The following NECTIN3 variants were observed in gnomAD, a reference collection of about 807,000 sequenced individuals.
The protein encoded by NECTIN3 is nectin-3.
NECTIN3 carries 8 observed loss-of-function variants against 49.4 expected under a neutral mutation model. The observed-to-expected ratio is 0.16, with a 90% confidence interval of 0.10 to 0.29. The LOEUF (loss-of-function observed/expected upper bound fraction) is 0.29, where lower values mean the gene tolerates loss of function less well. Among genes scored for constraint, NECTIN3 ranks in the 10% least tolerant of loss-of-function variants. The probability of loss-of-function intolerance (pLI) is 1.00; values close to 1 mark genes in which losing one functional copy is unlikely to be tolerated. For missense variants in NECTIN3, 581 were observed against 654.6 expected, an observed-to-expected ratio of 0.89 and a Z score of 1.23; for synonymous variants, 277 against 241.1, an observed-to-expected ratio of 1.15 and a Z score of -1.38.
At chr3:111,089,804 T>G (rs1477618802) in intron 1 of NECTIN3, among the ~76,000 whole-genome samples, 1 of 152,144 alleles carries the variant, frequency 6.6e-6, no homozygotes, top group African/African-American at 2.4e-5. Context: ...TCAAATTTTC[T>G]TAACCCTTTC....
intron 1 of NECTIN3, among the ~76,000 whole-genome samples, chr3:111,088,410 A>C (rs574066424): frequency 3.9e-5 from 6 of 152,146 alleles, no homozygotes; most frequent in Non-Finnish European, 7.4e-5. Context: ...TAAATTACCC[A>C]GTCTCAGGTA....
chr3:111,167,088 C>A (rs2035333185), intron 7 of NECTIN3, among the ~76,000 whole-genome samples: 1 of 151,864 alleles, frequency 6.6e-6, no homozygotes, highest in Admixed American at 6.6e-5. Context: ...GTGATTCACC[C>A]ATTTGAGCTA....
At chr3:111,123,034 T>A (rs1034725060) in intron 4 of NECTIN3, among the ~76,000 whole-genome samples, 5 of 151,970 alleles carry the variant, frequency 3.3e-5, no homozygotes, top group African/African-American at 7.2e-5. Context: ...GATTTTTTTT[T>A]AAATTTTCCA....
intron 1 of NECTIN3, among the ~76,000 whole-genome samples, chr3:111,105,110 C>CT (rs1379682071): frequency 6.6e-6 from 1 of 150,968 alleles, no homozygotes; most frequent in East Asian, 2.0e-4. Flanking sequence ...ATCTTTTTTT[C>CT]TTTTTTGTTT....
chr3:111,173,338 G>T (rs1032777851), intron 7 of NECTIN3, among the ~76,000 whole-genome samples: 1 of 152,032 alleles, frequency 6.6e-6, no homozygotes, highest in Non-Finnish European at 1.5e-5. Context: ...ACCTCTTCTG[G>T]ATCTTTTACC....
At chr3:111,072,803 G>C (rs913983913) in intron 1 of NECTIN3, 2 of 470,034 alleles carry the variant, frequency 4.3e-6, no homozygotes, top group Non-Finnish European at 3.8e-6. Flanking sequence ...CTCTCACACT[G>C]CCCGTGCTTA....
intron 1 of NECTIN3, among the ~76,000 whole-genome samples, chr3:111,110,379 G>C (rs2033404584): frequency 6.6e-6 from 1 of 151,882 alleles, no homozygotes; most frequent in South Asian, 2.1e-4. Context: ...ATAGTAAATG[G>C]TAAGTTTTAT....
chr3:111,176,172 T>A (rs1297651355), intron 7 of NECTIN3, among the ~76,000 whole-genome samples: 1 of 152,212 alleles, frequency 6.6e-6, no homozygotes, highest in Non-Finnish European at 1.5e-5. Flanking sequence ...TCACTGTTCT[T>A]GCCTCATGGA....
rs151165800 is a variant in NECTIN3 at position 111,169,233 on chromosome 3, G to A, written c.1221+21749G>A. On this transcript the variant is annotated intron_variant, in intron 7 of 8. Transcript: ENST00000493615. ...GCCTCCCGAGTAGCTGGGACTACAG[G>A]CGCCTGCCACCACGCCTGGCTAATT... 3.8e-3 allele frequency among the ~76,000 whole-genome samples: 579 copies of A among 151,644 alleles called. 4 individuals are homozygous for A. Among genetic ancestry groups the A allele is most frequent in the African/African-American group, 0.013 (553 of 41,390 alleles).
In NECTIN3 at chr3:111,118,726, C is replaced by T. The variant is rs1369501161; in HGVS notation, c.573C>T (p.Ala191=). Residue 191 remains alanine (A), a synonymous_variant, in exon 3 of 6, where the codon GCC becomes GCT. Transcript: ENST00000485303. ...ATGGAGGAAATGAAACAGTAGCAGC[C>T]ATTTGCATCGCAGCCACTGGAAAAC... ...LIDGGNETVA[A]ICIAATGKPV... The T allele has an allele frequency of 1.2e-6, 2 of 1,613,890 alleles. No homozygotes were observed. Among genetic ancestry groups the T allele is most frequent in the African/African-American group, 1.3e-5 (1 of 74,906 alleles).
intron 2 of NECTIN3, among the ~76,000 whole-genome samples, chr3:111,118,248 C>CTATATATATATA (rs34878535): frequency 0.037 from 2,868 of 77,680 alleles, 114 homozygotes; most frequent in Non-Finnish European, 0.046. Flanking sequence ...TAAAATGAAG[C>CTATATATATATA]TATATATATA....
At chr3:111,101,499 T>C (rs16857659) in intron 1 of NECTIN3, among the ~76,000 whole-genome samples, 3,613 of 152,264 alleles carry the variant, frequency 0.024, 151 homozygotes, top group African/African-American at 0.082. Flanking sequence ...CGTAAACTTT[T>C]AAAAATTATT....
rs576484107 is a variant in NECTIN3, at chr3:111,137,093, C to T, written c.*2878C>T. 1.0e-6 allele frequency: 1 copy of T among 982,948 alleles called. No individual in the cohort carries two copies. The highest frequency in any genetic ancestry group is 1.1e-4 in the East Asian group (1 of 8,792). 60.9% of individuals were successfully genotyped at this position (982,948 alleles called of 1,614,324 possible). On this transcript the variant is annotated 3_prime_UTR_variant, in exon 6 of 6. Transcript: ENST00000485303. Reference sequence around the variant, plus strand: ...TTTGCATTAAGGAGCTGTAGGAGTACAGTGTATAAGTACAGAAATTGAGAG... The same window carrying T: ...TTTGCATTAAGGAGCTGTAGGAGTATAGTGTATAAGTACAGAAATTGAGAG...
intron 1 of NECTIN3, among the ~76,000 whole-genome samples, chr3:111,111,664 AG>A (rs1304066910): frequency 1.3e-5 from 2 of 152,184 alleles, no homozygotes; most frequent in Non-Finnish European, 2.9e-5. Flanking sequence ...TCAAAGTGTC[AG>A]CCAGAGCTGG....
chr3:111,138,365 G>A (rs1480841973), downstream of NECTIN3, among the ~76,000 whole-genome samples: 1 of 151,316 alleles, frequency 6.6e-6, no homozygotes, highest in Non-Finnish European at 1.5e-5. Flanking sequence ...GTCTTTGAGG[G>A]GTTTGCACAG....
intron 6 of NECTIN3, among the ~76,000 whole-genome samples, chr3:111,145,404 A>C (rs1274204718): frequency 6.6e-6 from 1 of 152,198 alleles, no homozygotes; most frequent in Non-Finnish European, 1.5e-5. Context: ...TGGCTTCTTC[A>C]TATTGTATAT....
chr3:111,193,315 G>A, intron 1 of NECTIN3: 1 of 1,535,088 alleles, frequency 6.5e-7, no homozygotes, highest in Non-Finnish European at 8.7e-7. Flanking sequence ...CGGAGCCCTG[G>A]CAAACATCAT....
At chr3:111,145,144 A>G in intron 6 of NECTIN3, 1 of 1,248,356 alleles carries the variant, frequency 8.0e-7, no homozygotes, top group Non-Finnish European at 1.1e-6. Flanking sequence ...AGAAGTAAGG[A>G]TAATGTTAGG....
intron 7 of NECTIN3, among the ~76,000 whole-genome samples, chr3:111,163,749 T>C (rs1263720984): frequency 6.6e-6 from 1 of 152,168 alleles, no homozygotes; most frequent in Non-Finnish European, 1.5e-5. Flanking sequence ...ATTCATTTTA[T>C]AGGTGGTTAA....
Sources: gnomAD v4.1 joint callset for allele counts (sites outside exome capture counted in the v4.1 genomes callset) on GRCh38, gnomAD v4.1.1 for gene constraint, MANE v1.5 for transcripts, NCBI Gene and HGNC (gene_info 2026-07-23, HGNC 2026-07-21) for gene names.